The following DPP10 variants were observed in gnomAD, a reference collection of about 807,000 sequenced individuals.
DPP10 encodes the protein dipeptidyl peptidase like 10.
A neutral mutation model predicts 120.9 loss-of-function variants in DPP10; 33 were observed. That is an observed-to-expected ratio of 0.27 (90% CI 0.21 to 0.37). The LOEUF is 0.37. DPP10 is among the 10% of genes least tolerant of loss of function. DPP10 has a pLI of 1.00. For synonymous variants in DPP10, 337 were observed against 326.1 expected, an observed-to-expected ratio of 1.03 and a Z score of -0.36; for missense variants, 816 against 942.8, an observed-to-expected ratio of 0.87 and a Z score of 1.76.
intron 5 of DPP10, among the ~76,000 whole-genome samples, chr2:115,557,843 C>G (rs183767281): frequency 1.3e-5 from 2 of 152,286 alleles, no homozygotes; most frequent in East Asian, 3.9e-4. Flanking sequence ...GCTGAGAGGA[C>G]TCTTGGGATT....
At chr2:115,674,155 G>A (rs1559012841) in intron 5 of DPP10, among the ~76,000 whole-genome samples, 1 of 152,082 alleles carries the variant, frequency 6.6e-6, no homozygotes, top group Non-Finnish European at 1.5e-5. Context: ...AACCTGGGAG[G>A]CAGAGGTTGC....
intron 1 of DPP10, among the ~76,000 whole-genome samples, chr2:114,503,583 T>C (rs1683384279): frequency 6.6e-6 from 1 of 152,168 alleles, no homozygotes; most frequent in Non-Finnish European, 1.5e-5. Context: ...AAAGAGGTTA[T>C]CCTGAAAGGG....
At chr2:115,020,398 A>G (rs1702984104) in intron 1 of DPP10, among the ~76,000 whole-genome samples, 1 of 152,198 alleles carries the variant, frequency 6.6e-6, no homozygotes, top group East Asian at 1.9e-4. Context: ...AAGCAAAAGC[A>G]GTTTAAAAAG....
chr2:115,308,589 C>A (rs1166777445), intron 1 of DPP10, among the ~76,000 whole-genome samples: 1 of 151,922 alleles, frequency 6.6e-6, no homozygotes, highest in African/African-American at 2.4e-5. Flanking sequence ...GTTTATTTTC[C>A]CCATCAACCA....
intron 21 of DPP10, among the ~76,000 whole-genome samples, chr2:115,835,587 T>C (rs1689400355): frequency 6.6e-6 from 1 of 152,138 alleles, no homozygotes; most frequent in Admixed American, 6.5e-5. Flanking sequence ...AATATCTAGC[T>C]CCAAATAATC....
At position 115,843,318 on chromosome 2, in the gene DPP10, T is replaced by G. The variant is rs1690329946; in HGVS notation, c.*973T>G. The G allele has an allele frequency of 6.6e-6, 1 of 152,626 alleles. No homozygotes were observed. The highest frequency in any genetic ancestry group is 2.4e-5 in the African/African-American group (1 of 41,458). 9.5% of individuals were successfully genotyped at this position (152,626 alleles called of 1,614,324 possible). A position where few individuals can be genotyped will look rare whatever the true frequency, so the allele number is the denominator to read the frequency against. ...AATTATAGTTTCTGATAAAGAAATT[T>G]TGTTAACAATGCAATGCCACTGAGT... On this transcript the variant is annotated 3_prime_UTR_variant, in exon 26 of 26. Transcript: ENST00000410059.
chr2:115,480,299 C>G (rs2075351152), intron 3 of DPP10, among the ~76,000 whole-genome samples: 1 of 152,100 alleles, frequency 6.6e-6, no homozygotes, highest in African/African-American at 2.4e-5. Flanking sequence ...GTATAAATGT[C>G]TAACAAAATG....
At chr2:114,574,744 C>A (rs1689926745) in intron 1 of DPP10, among the ~76,000 whole-genome samples, 1 of 152,154 alleles carries the variant, frequency 6.6e-6, no homozygotes, top group African/African-American at 2.4e-5. Context: ...ATACAGCAAG[C>A]ATTATGTGAG....
At chr2:114,980,991 AT>A (rs10670062) in intron 1 of DPP10, among the ~76,000 whole-genome samples, 221 of 145,000 alleles carry the variant, frequency 1.5e-3, no homozygotes, top group South Asian at 1.7e-3. Flanking sequence ...ATGTTGTGTC[AT>A]TTTTTTTTTT....
At chr2:115,122,186 G>T (rs920339702) in intron 1 of DPP10, among the ~76,000 whole-genome samples, 4 of 152,144 alleles carry the variant, frequency 2.6e-5, no homozygotes, top group African/African-American at 4.8e-5. Context: ...CATAACCTTG[G>T]TCCCATCTTG....
chr2:114,490,645 GGGA>G (rs1270552330), intron 1 of DPP10, among the ~76,000 whole-genome samples: 1 of 152,156 alleles, frequency 6.6e-6, no homozygotes, highest in Non-Finnish European at 1.5e-5. Flanking sequence ...GAAGCAAAGG[GGGA>G]GAAGAGGGAG....
intron 21 of DPP10, among the ~76,000 whole-genome samples, chr2:115,831,376 G>A: frequency 6.6e-6 from 1 of 152,054 alleles, no homozygotes; most frequent in Admixed American, 6.6e-5. Context: ...AGCCTCCTGA[G>A]TAGCTGGGAT....
At chr2:115,835,140 A>AAAAAAAGC (rs1459462383) in intron 21 of DPP10, among the ~76,000 whole-genome samples, 1 of 152,026 alleles carries the variant, frequency 6.6e-6, no homozygotes, top group Non-Finnish European at 1.5e-5. Context: ...TGTCTAAAAA[A>AAAAAAAGC]AAAAAAGCAA....
intron 5 of DPP10, among the ~76,000 whole-genome samples, chr2:115,654,925 C>A (rs2088154432): frequency 1.3e-5 from 2 of 151,726 alleles, no homozygotes; most frequent in Non-Finnish European, 3.0e-5. Flanking sequence ...ACAACTTTGA[C>A]TTTTAGGTTG....
chr2:115,408,974 AAAAG>A (rs2068733576), intron 3 of DPP10, among the ~76,000 whole-genome samples: 1 of 152,134 alleles, frequency 6.6e-6, no homozygotes, highest in Non-Finnish European at 1.5e-5. Flanking sequence ...AAAAGAATGA[AAAAG>A]AAAGTAGAAA....
At chr2:115,000,661 A>C (rs546575504) in intron 1 of DPP10, among the ~76,000 whole-genome samples, 1 of 152,296 alleles carries the variant, frequency 6.6e-6, no homozygotes, top group South Asian at 2.1e-4. Context: ...TCATGGTTAT[A>C]AAATATACTA....
chr2:115,358,181 A>G (rs1381058021), intron 3 of DPP10, among the ~76,000 whole-genome samples: 4 of 152,092 alleles, frequency 2.6e-5, no homozygotes, highest in South Asian at 2.1e-4. Context: ...CTTTTCTATC[A>G]TATCATCAGG....
chr2:114,815,956 A>G (rs1685609205), intron 1 of DPP10, among the ~76,000 whole-genome samples: 1 of 151,998 alleles, frequency 6.6e-6, no homozygotes. Flanking sequence ...CAAAGAAATG[A>G]GATAAAAAAG....
At chr2:115,581,537 A>T (rs1051344604) in intron 5 of DPP10, among the ~76,000 whole-genome samples, 2 of 151,672 alleles carry the variant, frequency 1.3e-5, no homozygotes, top group Admixed American at 1.3e-4. Context: ...ATGCTACTAT[A>T]CTCTGTTATA....
Sources: allele counts gnomAD v4.1 joint callset (sites outside exome capture counted in the v4.1 genomes callset), GRCh38; gene constraint gnomAD v4.1.1; transcripts MANE v1.5; gene names NCBI Gene and HGNC (gene_info 2026-07-23, HGNC 2026-07-21).